Variants in NLRP12 observed in about 807,000 individuals in gnomAD.
NLRP12 encodes the protein NLR family pyrin domain containing 12.
A neutral mutation model predicts 91.2 loss-of-function variants in NLRP12; 108 were observed. The ratio of observed to expected loss-of-function variants is 1.18; its 90% confidence interval spans 1.01 to 1.39. The LOEUF (loss-of-function observed/expected upper bound fraction) is 1.39. NLRP12 is among the 40% of genes most tolerant of loss of function. The pLI is 0.00. For missense variants in NLRP12, 1,530 were observed against 1,352.7 expected (o/e 1.13, Z -2.06); for synonymous variants, 613 against 566.7 (o/e 1.08, Z -1.16).
rs78983287 is a variant in NLRP12 at position 53,794,299 on chromosome 19, G to C, written c.3099-163C>G. Among the ~76,000 whole-genome samples, 235 of 151,958 alleles carry C rather than the reference G, an allele frequency of 1.5e-3. 1 individual carries two copies. The highest frequency in any genetic ancestry group is 4.9e-3 in the African/African-American group (205 of 41,446). ...TAGGCTTACTACATGCTACATGCAA[G>C]TCCCCAAGCTGTGTTAACTGCATAA... On this transcript the variant is annotated intron_variant, in intron 9 of 9. Coordinates refer to ENST00000324134, the MANE Select transcript of NLRP12 (RefSeq NM_144687.4).
chr19:53,813,286 T>C (rs1393545513), intron 2 of NLRP12, among the ~76,000 whole-genome samples: 4 of 143,344 alleles, frequency 2.8e-5, no homozygotes, highest in Non-Finnish European at 6.0e-5. Context: ...CTATTCTTTT[T>C]TTTTTTTCTT....
intron 1 of NLRP12, among the ~76,000 whole-genome samples, chr19:53,817,194 C>T (rs558693830): frequency 2.0e-4 from 30 of 151,552 alleles, no homozygotes; most frequent in African/African-American, 5.8e-4. Flanking sequence ...TTTGGGAGGC[C>T]GAGGCAGGTG....
chr19:53,795,792 T>G, intron 9 of NLRP12, 67 bp downstream of exon 9: 11 of 1,459,512 alleles, frequency 7.5e-6, no homozygotes, highest in Non-Finnish European at 1.1e-5. Flanking sequence ...CCATCCAGCT[T>G]ATCTACCCTC....
intron 4 of NLRP12, 79 bp from the exon 5 acceptor site, chr19:53,805,529 T>TC (rs1248025939): frequency 2.6e-6 from 4 of 1,537,210 alleles, no homozygotes; most frequent in Non-Finnish European, 3.5e-6. Context: ...TGCTTTTTTT[T>TC]TTTTTTCTGA....
chr19:53,823,439 A>G (rs1453045601), intron 1 of NLRP12, among the ~76,000 whole-genome samples: 2 of 113,186 alleles, frequency 1.8e-5, no homozygotes, highest in African/African-American at 6.3e-5. Context: ...TATTTAAAAT[A>G]TATGTTTTAA....
chr19:53,810,587 TGGGG>T lies in NLRP12; in HGVS notation c.1068_1071del (p.His356GlnfsTer35). On this transcript the variant is annotated frameshift_variant, in exon 3 of 10. Transcript: ENST00000324134. LOFTEE classifies it high-confidence loss of function. ...GAGAAGCCCAGGATCTCCACATGCC[TGGGG>T]TGCTCCAGCAGACGGTGGAGCTTCT... is the stretch of plus-strand genomic sequence containing the variant. 6.2e-7 allele frequency: 1 copy of T among 1,614,002 alleles called. No homozygotes were observed.
At position 53,804,020 on chromosome 19, in the gene NLRP12, C is replaced by CA; in HGVS notation, c.2516dup (p.Glu840GlyfsTer35). On this transcript the variant is annotated frameshift_variant, in exon 6 of 10. Transcript: ENST00000324134. LOFTEE classifies it high-confidence loss of function. ...ATAGTAACCTCAGGCCCAAATCCTCCAGTGCATTTCCTGTCAGGTCCAACT... is the reference window on the plus strand; with the variant it reads ...ATAGTAACCTCAGGCCCAAATCCTCCAAGTGCATTTCCTGTCAGGTCCAACT... 1.2e-6 allele frequency: 2 copies of CA among 1,614,150 alleles called. No individual in the cohort carries two copies. The highest frequency in any genetic ancestry group is 8.5e-7 in the Non-Finnish European group (1 of 1,180,032).
chr19:53,823,874 C>A lies in NLRP12; in HGVS notation c.289+12G>T, dbSNP rs1360011107. On this transcript the variant is annotated intron_variant, in intron 1 of 9. Transcript: ENST00000324134. ...TGGCATTCTAGCCTTGCCTGTCCCGCCACCTCCTTACCCCTCACCAGGTCC... is the reference window on the plus strand; with the variant it reads ...TGGCATTCTAGCCTTGCCTGTCCCGACACCTCCTTACCCCTCACCAGGTCC... The A allele has an allele frequency of 6.2e-7, 1 of 1,613,758 alleles. No homozygotes were observed. The highest frequency in any genetic ancestry group is 8.5e-7 in the Non-Finnish European group (1 of 1,179,996).
At position 53,824,263 on chromosome 19, in the gene NLRP12, T is replaced by A; in HGVS notation, c.-89A>T. ...AGGGCGACCCCAGCACACCTTCCAT[T>A]GCATCATTCACAGGCAGCGGGCGGA... is the stretch of plus-strand genomic sequence containing the variant. On this transcript the variant is annotated 5_prime_UTR_variant, in exon 1 of 10. Transcript: ENST00000324134. The A allele has an allele frequency of 2.2e-6, 3 of 1,348,822 alleles. No individual in the cohort carries two copies. Among genetic ancestry groups the A allele is most frequent in the Non-Finnish European group, 2.1e-6 (2 of 956,418 alleles). The allele number at this position is 1,348,822 out of a possible 1,614,324, so 83.6% of individuals were successfully genotyped here.
In NLRP12 at chr19:53,804,834, C is replaced by A. The variant is rs188852422; in HGVS notation, c.2414+446G>T. ...TTTGAGGTCAGGAGTTCAAGACCAG[C>A]CTGGCCAACGTGAGGAAACCCCATC... On this transcript the variant is annotated intron_variant, in intron 5 of 9. Transcript: ENST00000324134. Among the ~76,000 whole-genome samples the A allele has an allele frequency of 4.3e-3, 653 of 151,914 alleles. 3 individuals are homozygous for A. Among genetic ancestry groups the A allele is most frequent in the Non-Finnish European group, 6.8e-3 (463 of 67,976 alleles).
rs1427777239 is a variant in NLRP12 at position 53,805,612 on chromosome 19, G to A, written c.2244-162C>T. 8.3e-6 allele frequency: 6 copies of A among 725,700 alleles called. No individual in the cohort carries two copies. The African/African-American group carries it at 1.1e-4, about 13-fold the overall frequency. The allele number at this position is 725,700 out of a possible 1,614,324, so 45.0% of individuals were successfully genotyped here. On this transcript the variant is annotated intron_variant, in intron 4 of 9. Transcript: ENST00000324134. Reference sequence around the variant, plus strand: ...GGCTTACCACAACCTCTGCCTCCTGGGTTGAAGCAATCCTCCTGCCTTGGC... The same window carrying A: ...GGCTTACCACAACCTCTGCCTCCTGAGTTGAAGCAATCCTCCTGCCTTGGC...
rs1480988371 is a variant in NLRP12, at chr19:53,809,625, C to A, written c.2034G>T (p.Ala678=). ...GCGTGTGCGCTCCTGCGGAGCACCT[C>A]GCGCGGTCTTCCCCGTCCGCGCTGT... is the stretch of plus-strand genomic sequence containing the variant. ...ATYSADGEDR[A]RCSAGAHTLL... Residue 678 remains alanine (A), a synonymous_variant, in exon 3 of 10, where the codon GCG becomes GCT. Coordinates refer to ENST00000324134, the MANE Select transcript of NLRP12 (RefSeq NM_144687.4). 4 of 1,613,478 alleles carry A rather than the reference C, an allele frequency of 2.5e-6. No individual in the cohort carries two copies. In the African/African-American group the frequency reaches 5.3e-5, roughly 22 times the overall value.
chr19:53,805,189 G>A, intron 5 of NLRP12, 91 bp downstream of exon 5: 2 of 1,357,290 alleles, frequency 1.5e-6, no homozygotes, highest in East Asian at 2.3e-5. Flanking sequence ...TGATTTAAAG[G>A]TGGAGATTTG....
chr19:53,801,760 A>G (rs1249701222), intron 6 of NLRP12, among the ~76,000 whole-genome samples: 2 of 151,620 alleles, frequency 1.3e-5, no homozygotes, highest in Non-Finnish European at 2.9e-5. Context: ...TAGGCCCCCA[A>G]TCTTAACAGT....
chr19:53,819,363 G>C (rs558984093), intron 1 of NLRP12, among the ~76,000 whole-genome samples: 7 of 138,262 alleles, frequency 5.1e-5, no homozygotes, highest in Non-Finnish European at 9.2e-5. Context: ...TCCTGCCTCA[G>C]CCTCCCAAGT....
chr19:53,796,006 G>T lies in NLRP12; in HGVS notation c.2951C>A (p.Ala984Asp), dbSNP rs1433136362. 1.9e-6 allele frequency: 3 copies of T among 1,613,976 alleles called. No homozygotes were observed. The Admixed American group carries it at 5.0e-5, about 27-fold the overall frequency. Reference protein sequence around the residue: ...KLWLDSCGLTAKACENLYFTL... With the variant: ...KLWLDSCGLTDKACENLYFTL... ...GAAGTAAAGATTCTCACAAGCCTTGGCTGTGAGGCCACAGCTATCCAGCCT... is the reference window on the plus strand; with the variant it reads ...GAAGTAAAGATTCTCACAAGCCTTGTCTGTGAGGCCACAGCTATCCAGCCT... The change falls in exon 9 of 10, where the codon GCC becomes GAC. Residue 984 changes from alanine (A) to aspartate (D), a missense_variant. Ala to Asp is a moderately radical substitution (Grantham distance 126). Coordinates refer to ENST00000324134, the MANE Select transcript of NLRP12 (RefSeq NM_144687.4).
intron 1 of NLRP12, among the ~76,000 whole-genome samples, chr19:53,823,498 A>AATATATATATGTTAAAACATAT (rs1568703260): frequency 1.8e-5 from 1 of 56,806 alleles, no homozygotes; most frequent in Non-Finnish European, 3.4e-5. Context: ...AAATATATTT[A>AATATATATATGTTAAAACATAT]TTTAAAATAT....
chr19:53,818,438 T>C (rs893530812), intron 1 of NLRP12, among the ~76,000 whole-genome samples: 5 of 150,694 alleles, frequency 3.3e-5, no homozygotes, highest in Non-Finnish European at 4.4e-5. Context: ...GAGGCTGAGG[T>C]GGGTGGATCA....
In NLRP12 at chr19:53,810,551, T is replaced by C. The variant is rs2092052099; in HGVS notation, c.1108A>G (p.Arg370Gly). 2.5e-6 allele frequency: 4 copies of C among 1,614,180 alleles called. No homozygotes were observed. The highest frequency in any genetic ancestry group is 1.1e-5 in the South Asian group (1 of 91,092). ...AAATACTTGTAGAAGTATTCCTTCC[T>C]TTCTGCCTCAGAGAAGCCCAGGATC... is the stretch of plus-strand genomic sequence containing the variant. ...VEILGFSEAE[R>G]KEYFYKYFHN... is the part of the protein sequence containing the mutation. Residue 370 changes from arginine (R) to glycine (G), a missense_variant, in exon 3 of 10, where the codon AGG (arginine) becomes GGG (glycine). Transcript: ENST00000324134.
Sources: gnomAD v4.1 joint callset for allele counts (sites outside exome capture counted in the v4.1 genomes callset) on GRCh38, gnomAD v4.1.1 for gene constraint, MANE v1.5 for transcripts, NCBI Gene and HGNC (gene_info 2026-07-23, HGNC 2026-07-21) for gene names.